Variants in LRRC37A2 observed in about 807,000 individuals in gnomAD.
The protein encoded by LRRC37A2 is leucine rich repeat containing 37 member A2, also known as leucine-rich repeat-containing protein 37A2.
LRRC37A2 carries 9 observed loss-of-function variants against 68.8 expected under a neutral mutation model. The observed-to-expected ratio is 0.13, with a 90% CI of 0.08 to 0.23. The LOEUF is 0.23. Among genes scored for constraint, LRRC37A2 ranks in the 10% least tolerant of loss-of-function variants. LRRC37A2 has a pLI of 1.00. For missense variants in LRRC37A2, 168 were observed against 950.4 expected, an observed-to-expected ratio of 0.18 and a Z score of 10.82; for synonymous variants, 63 against 367.6, an observed-to-expected ratio of 0.17 and a Z score of 9.48.
the LRRC37A2 span, among the ~76,000 whole-genome samples, chr17:47,002,939 C>T: frequency 2.0e-3 from 297 of 152,108 alleles, no homozygotes; most frequent in African/African-American, 6.8e-3. Context: ...GAAACTAACT[C>T]AAAGACGAGT....
At chr17:46,874,821 G>T in the LRRC37A2 span, 5 of 567,752 alleles carry the variant, frequency 8.8e-6, no homozygotes, top group Non-Finnish European at 1.6e-5. Flanking sequence ...CAAATGATCC[G>T]CCCGCCTTGG....
the LRRC37A2 span, chr17:46,875,077 T>G: frequency 6.2e-7 from 1 of 1,613,448 alleles, no homozygotes; most frequent in Non-Finnish European, 8.5e-7. Context: ...CCTCCCTCCC[T>G]ATGCCCCTGG....
the LRRC37A2 span, among the ~76,000 whole-genome samples, chr17:46,864,972 A>T: frequency 1.3e-4 from 20 of 152,288 alleles, no homozygotes; most frequent in African/African-American, 4.8e-4. Flanking sequence ...TGAATGGTGT[A>T]CATTTGGACT....
chr17:46,762,703 C>T, the LRRC37A2 span: 1 of 151,868 alleles, frequency 6.6e-6, no homozygotes, highest in Admixed American at 6.6e-5. Flanking sequence ...ACTTCTACAA[C>T]TTTTTACAAA....
chr17:46,995,781 G>A, the LRRC37A2 span, among the ~76,000 whole-genome samples: 8 of 152,202 alleles, frequency 5.3e-5, no homozygotes, highest in African/African-American at 1.9e-4. Context: ...AGTGATATTT[G>A]AGGGTTTTCA....
chr17:46,923,144 G>C, the LRRC37A2 span: 1 of 1,250,650 alleles, frequency 8.0e-7, no homozygotes, highest in Admixed American at 2.0e-5. Context: ...CTGTGAGGAC[G>C]TGTTCCGAGG....
chr17:46,765,072 C>T, the LRRC37A2 span, among the ~76,000 whole-genome samples: 7 of 152,244 alleles, frequency 4.6e-5, no homozygotes, highest in Admixed American at 3.3e-4. Context: ...TACTTAATTA[C>T]GAACAATTCC....
chr17:46,492,233 G>T, the LRRC37A2 span, among the ~76,000 whole-genome samples: 1 of 151,244 alleles, frequency 6.6e-6, no homozygotes, highest in African/African-American at 2.5e-5. Context: ...CCATGGTGCC[G>T]GGATTACAGG....
At chr17:47,000,098 A>AAAT in the LRRC37A2 span, among the ~76,000 whole-genome samples, 1 of 133,140 alleles carries the variant, frequency 7.5e-6, no homozygotes, top group Non-Finnish European at 1.6e-5. Flanking sequence ...AAATAAAATA[A>AAAT]AATAAAATAA....
chr17:46,841,255 C>T, the LRRC37A2 span, among the ~76,000 whole-genome samples: 28 of 152,304 alleles, frequency 1.8e-4, no homozygotes, highest in African/African-American at 6.5e-4. Context: ...GTCGGAGAAA[C>T]GGAGGCTCTG....
At chr17:46,814,928 T>G in the LRRC37A2 span, among the ~76,000 whole-genome samples, 25 of 152,146 alleles carry the variant, frequency 1.6e-4, no homozygotes, top group Non-Finnish European at 5.9e-5. Context: ...TCAGGTGTGC[T>G]ATTTCCCAGC....
At chr17:46,748,985 A>C in the LRRC37A2 span, among the ~76,000 whole-genome samples, 1 of 152,238 alleles carries the variant, frequency 6.6e-6, no homozygotes, top group Non-Finnish European at 1.5e-5. Context: ...AGGATGTAAA[A>C]AGGGGCATGT....
the LRRC37A2 span, among the ~76,000 whole-genome samples, chr17:47,004,417 C>T: frequency 6.6e-6 from 1 of 152,380 alleles, no homozygotes; most frequent in East Asian, 1.9e-4. Flanking sequence ...ACAGCACAGA[C>T]ATATGCTCCT....
chr17:46,789,437 G>A, the LRRC37A2 span, among the ~76,000 whole-genome samples: 2 of 152,308 alleles, frequency 1.3e-5, no homozygotes, highest in Non-Finnish European at 1.5e-5. Flanking sequence ...CAGAGCCTCT[G>A]GGGAGGAGTC....
the LRRC37A2 span, among the ~76,000 whole-genome samples, chr17:46,973,382 C>T: frequency 5.3e-5 from 8 of 152,002 alleles, no homozygotes; most frequent in Admixed American, 3.9e-4. Context: ...AGGCTGGTCT[C>T]GAACTCGTGG....
the LRRC37A2 span, chr17:46,939,296 T>G: frequency 9.8e-7 from 1 of 1,015,274 alleles, no homozygotes; most frequent in Admixed American, 5.0e-5. Flanking sequence ...GATGACTGAC[T>G]GCCAATACTT....
At chr17:46,936,817 T>G in the LRRC37A2 span, 1 of 984,870 alleles carries the variant, frequency 1.0e-6, no homozygotes, top group Non-Finnish European at 1.2e-6. Flanking sequence ...TGATCTCTGA[T>G]GGCAATGAAG....
At chr17:46,872,599 C>A in the LRRC37A2 span, 1 of 1,611,942 alleles carries the variant, frequency 6.2e-7, no homozygotes, top group Non-Finnish European at 8.5e-7. Flanking sequence ...CCACCTGAAG[C>A]AGTGTGACCT....
chr17:46,494,685 T>C, the LRRC37A2 span, among the ~76,000 whole-genome samples: 1 of 151,706 alleles, frequency 6.6e-6, no homozygotes. Context: ...ACACCTTCTT[T>C]TTTCACTGTT....
Sources: gnomAD v4.1 joint callset for allele counts (sites outside exome capture counted in the v4.1 genomes callset) on GRCh38, gnomAD v4.1.1 for gene constraint, MANE v1.5 for transcripts, NCBI Gene and HGNC (gene_info 2026-07-23, HGNC 2026-07-21) for gene names.